ESRRB: variants seen among roughly 807,000 people sequenced by gnomAD.
ESRRB encodes estrogen related receptor beta.
A neutral mutation model predicts 46.0 loss-of-function variants in ESRRB; 16 were observed. That is an observed-to-expected ratio of 0.35 (90% CI 0.24 to 0.53). ESRRB has a LOEUF of 0.53. ESRRB is among the 20% of genes least tolerant of loss of function. The probability of loss-of-function intolerance (pLI) is 0.93; values close to 1 mark genes in which losing one functional copy is unlikely to be tolerated. For synonymous variants in ESRRB, 246 were observed against 259.6 expected, an observed-to-expected ratio of 0.95 and a Z score of 0.50; for missense variants, 488 against 607.4, an observed-to-expected ratio of 0.80 and a Z score of 2.07.
In ESRRB at chr14:76,469,725, T is replaced by C. The variant is rs75379631; in HGVS notation, c.577+7064T>C. Among the ~76,000 whole-genome samples, 8 of 152,102 alleles carry C rather than the reference T, an allele frequency of 5.3e-5. No individual in the cohort carries two copies. In the East Asian group the frequency reaches 1.5e-3, roughly 29 times the overall value. On this transcript the variant is annotated intron_variant, in intron 3 of 6. Coordinates refer to ENST00000644823, the MANE Select transcript of ESRRB (RefSeq NM_001379180.1). ...TCCACAACTATATTTTGTCCCTTCATCTCCATCTAGATATTGCTACCTGAT... is the reference window on the plus strand; with the variant it reads ...TCCACAACTATATTTTGTCCCTTCACCTCCATCTAGATATTGCTACCTGAT...
intron 5 of ESRRB, among the ~76,000 whole-genome samples, chr14:76,487,304 C>G (rs182138977): frequency 6.6e-6 from 1 of 152,244 alleles, no homozygotes; most frequent in African/African-American, 2.4e-5. Context: ...AAGAGGAAAC[C>G]GAGGCACTGA....
At chr14:76,392,763 G>A (rs983390996) in intron 1 of ESRRB, among the ~76,000 whole-genome samples, 3 of 152,246 alleles carry the variant, frequency 2.0e-5, no homozygotes, top group African/African-American at 7.2e-5. Context: ...AGAGGGTCAG[G>A]ACATCTGGAA....
intron 1 of ESRRB, among the ~76,000 whole-genome samples, chr14:76,420,657 A>ACAGAGGACAAAGG (rs55932153): frequency 9.5e-6 from 1 of 105,412 alleles, no homozygotes; most frequent in African/African-American, 2.6e-5. Flanking sequence ...CACTGTGAGG[A>ACAGAGGACAAAGG]ACAAAGTAAT....
intron 2 of ESRRB, among the ~76,000 whole-genome samples, chr14:76,452,936 T>A (rs1888455566): frequency 6.6e-6 from 1 of 152,222 alleles, no homozygotes; most frequent in South Asian, 2.1e-4. Flanking sequence ...GAGTGGGGTT[T>A]TAAGTCTAAG....
rs553507219 is a variant in ESRRB at position 76,501,834 on chromosome 14, G to C, written c.*3376G>C. Reference sequence around the variant, plus strand: ...ATCTGGAATCTAATAAATAAGGAAAGGAACTATTGAGTTTCTTCACACATT... The same window carrying C: ...ATCTGGAATCTAATAAATAAGGAAACGAACTATTGAGTTTCTTCACACATT... On this transcript the variant is annotated 3_prime_UTR_variant, in exon 7 of 7. Coordinates refer to ENST00000644823, the MANE Select transcript of ESRRB (RefSeq NM_001379180.1). The C allele has an allele frequency of 3.3e-5, 5 of 152,140 alleles. No individual in the cohort carries two copies. The highest frequency in any genetic ancestry group is 4.8e-5 in the African/African-American group (2 of 41,416). The allele number at this position is 152,140 out of a possible 1,614,324, so 9.4% of individuals were successfully genotyped here. A position where few individuals can be genotyped will look rare whatever the true frequency, so the allele number is the denominator to read the frequency against.
At chr14:76,339,745 G>C (rs151280753) in intron 1 of ESRRB, among the ~76,000 whole-genome samples, 1 of 152,174 alleles carries the variant, frequency 6.6e-6, no homozygotes, top group African/African-American at 2.4e-5. Context: ...TCACAAGCCC[G>C]GGGCAGGGGG....
chr14:76,410,690 G>A (rs1287145350), intron 1 of ESRRB, among the ~76,000 whole-genome samples: 1 of 152,140 alleles, frequency 6.6e-6, no homozygotes, highest in Non-Finnish European at 1.5e-5. Context: ...GCTCTCTTAT[G>A]TGCCTTTCCC....
At chr14:76,335,530 G>A (rs572821586) in intron 1 of ESRRB, among the ~76,000 whole-genome samples, 3 of 152,332 alleles carry the variant, frequency 2.0e-5, no homozygotes, top group Non-Finnish European at 4.4e-5. Context: ...CAGTGGTAGC[G>A]AAGACAGACA....
At chr14:76,437,807 A>G (rs1277236267) in intron 1 of ESRRB, among the ~76,000 whole-genome samples, 1 of 152,184 alleles carries the variant, frequency 6.6e-6, no homozygotes, top group East Asian at 1.9e-4. Flanking sequence ...TGAGAGAAGA[A>G]CAAGTCCTCT....
chr14:76,428,865 G>A (rs80102104), intron 1 of ESRRB, among the ~76,000 whole-genome samples: 3 of 152,096 alleles, frequency 2.0e-5, no homozygotes, highest in Admixed American at 1.3e-4. Flanking sequence ...ATCAGTTGTC[G>A]GGGATCAGCC....
chr14:76,351,476 C>T (rs1884312445), intron 1 of ESRRB, among the ~76,000 whole-genome samples: 1 of 152,214 alleles, frequency 6.6e-6, no homozygotes, highest in Non-Finnish European at 1.5e-5. Context: ...TTCTCCTCTT[C>T]TTATAGGGCC....
intron 1 of ESRRB, among the ~76,000 whole-genome samples, chr14:76,384,319 A>C (rs1885132057): frequency 6.6e-6 from 1 of 152,218 alleles, no homozygotes; most frequent in South Asian, 2.1e-4. Flanking sequence ...CAGTAATCAC[A>C]GCTTGTACCT....
intron 1 of ESRRB, among the ~76,000 whole-genome samples, chr14:76,351,705 A>T (rs546423252): frequency 1.4e-4 from 21 of 152,314 alleles, no homozygotes; most frequent in African/African-American, 5.1e-4. Flanking sequence ...ATGCCACCAT[A>T]TGCAAAAAGC....
At chr14:76,353,285 C>T (rs140664120) in intron 1 of ESRRB, among the ~76,000 whole-genome samples, 1 of 152,316 alleles carries the variant, frequency 6.6e-6, no homozygotes, top group Non-Finnish European at 1.5e-5. Flanking sequence ...GCTGTTTTTA[C>T]AGTCCCCAAC....
At chr14:76,476,637 A>G (rs550410596) in intron 3 of ESRRB, among the ~76,000 whole-genome samples, 1 of 152,372 alleles carries the variant, frequency 6.6e-6, no homozygotes, top group South Asian at 2.1e-4. Flanking sequence ...GATAGCTAGC[A>G]GCGTAAGCAT....
At chr14:76,414,730 A>G (rs1475754373) in intron 1 of ESRRB, among the ~76,000 whole-genome samples, 1 of 150,222 alleles carries the variant, frequency 6.7e-6, no homozygotes, top group Admixed American at 6.6e-5. Context: ...GATTAGCACA[A>G]TCGCTGATTG....
intron 1 of ESRRB, among the ~76,000 whole-genome samples, chr14:76,351,131 A>T (rs994256325): frequency 6.6e-6 from 1 of 152,192 alleles, no homozygotes; most frequent in Non-Finnish European, 1.5e-5. Context: ...GTGGGGCTGG[A>T]GTGAGAAAAA....
chr14:76,439,846 C>CA (rs1887845133), intron 2 of ESRRB, 96 bp downstream of exon 2: 1 of 1,354,346 alleles, frequency 7.4e-7, no homozygotes, highest in Admixed American at 2.0e-5. Flanking sequence ...CAGAGACTGC[C>CA]AATTCTGGGC....
intron 1 of ESRRB, among the ~76,000 whole-genome samples, chr14:76,355,011 G>A (rs1056879543): frequency 1.3e-4 from 20 of 152,062 alleles, no homozygotes; most frequent in African/African-American, 4.6e-4. Flanking sequence ...ATGCCCGGCC[G>A]GTCCTGGGCT....
Sources: allele counts gnomAD v4.1 joint callset (sites outside exome capture counted in the v4.1 genomes callset), GRCh38; gene constraint gnomAD v4.1.1; transcripts MANE v1.5; gene names NCBI Gene and HGNC (gene_info 2026-07-23, HGNC 2026-07-21).